The following INO80 variants were observed in gnomAD, a reference collection of about 807,000 sequenced individuals.
INO80 encodes INO80 complex ATPase subunit, also known as chromatin-remodeling ATPase INO80.
In INO80, 20 loss-of-function variants were observed where a neutral mutation model predicts 203.4. The ratio of observed to expected loss-of-function variants is 0.10; its 90% CI spans 0.07 to 0.14. INO80 has a LOEUF of 0.14. Among genes scored for constraint, INO80 ranks in the 10% least tolerant of loss-of-function variants. INO80 has a pLI of 1.00. For missense variants in INO80, 1,419 were observed against 1,914.4 expected (o/e 0.74, Z 4.83); for synonymous variants, 726 against 685.2 (o/e 1.06, Z -0.93).
chr15:41,068,610 C>T (rs532589121), intron 14 of INO80, among the ~76,000 whole-genome samples: 4 of 151,506 alleles, frequency 2.6e-5, no homozygotes, highest in East Asian at 1.9e-4. Flanking sequence ...GTAATCCTTG[C>T]GTTTTCGGAG....
chr15:41,047,487 T>A lies in INO80; in HGVS notation c.2656A>T (p.Ser886Cys). ...ATAAAGCGAAGGAAAGAGAAACAGCTTTCTTCATTAATACCTGAAATATAA... is the reference window on the plus strand; with the variant it reads ...ATAAAGCGAAGGAAAGAGAAACAGCATTCTTCATTAATACCTGAAATATAA... ...LFHRKGINEE[S>C]CFSFLRFIDI... Residue 886 changes from serine (S) to cysteine (C), a missense_variant, in exon 23 of 36, where the codon AGC (serine) becomes TGC (cysteine). Physicochemically the swap from Ser to Cys is moderately radical, Grantham distance 112. Around this residue, in one of 9 missense-constraint regions of INO80, gnomAD observed 302 missense variants for 345.4 expected, o/e 0.87. Coordinates refer to ENST00000648947, the MANE Select transcript of INO80 (RefSeq NM_017553.3). 1 of 1,607,844 alleles carries A rather than the reference T, an allele frequency of 6.2e-7. No homozygotes were observed. Among genetic ancestry groups the A allele is most frequent in the South Asian group, 1.1e-5 (1 of 90,610 alleles).
intron 14 of INO80, among the ~76,000 whole-genome samples, chr15:41,063,899 T>C (rs527487874): frequency 1.3e-5 from 2 of 152,014 alleles, no homozygotes; most frequent in South Asian, 4.2e-4. Context: ...ACAATATATA[T>C]CAGAAAATAC....
intron 6 of INO80, among the ~76,000 whole-genome samples, chr15:41,086,478 C>T (rs1003739712): frequency 4.6e-5 from 7 of 151,948 alleles, no homozygotes; most frequent in African/African-American, 1.7e-4. Flanking sequence ...TGGTGAAACC[C>T]CATCTCTACT....
At chr15:41,082,400 T>TA (rs2045499214) in intron 7 of INO80, among the ~76,000 whole-genome samples, 1 of 150,546 alleles carries the variant, frequency 6.6e-6, no homozygotes, top group South Asian at 2.1e-4. Context: ...CTCGTCTCTA[T>TA]AAAAAATAAA....
intron 35 of INO80, among the ~76,000 whole-genome samples, chr15:40,981,484 T>C (rs2140403783): frequency 6.6e-6 from 1 of 152,314 alleles, no homozygotes; most frequent in East Asian, 1.9e-4. Context: ...TCCTCTATCA[T>C]ACTTCATATT....
rs193233758 is a variant in INO80, at chr15:41,045,092, C to T, written c.2736-17G>A. The T allele has an allele frequency of 6.3e-7, 1 of 1,589,418 alleles. No individual in the cohort carries two copies. On this transcript the variant is annotated splice_polypyrimidine_tract_variant and intron_variant, in intron 23 of 35. Transcript: ENST00000648947. ...GCTAACCATCTGAAACAAACCACAG[C>T]AGACACGCTTATTCAGTGCTCCATG...
intron 7 of INO80, among the ~76,000 whole-genome samples, chr15:41,083,179 G>A (rs1030007569): frequency 2.3e-4 from 34 of 150,898 alleles, no homozygotes; most frequent in African/African-American, 7.3e-4. Context: ...CAGCTACTCC[G>A]GAGGCTGAAG....
chr15:41,100,864 T>C (rs2045798320), intron 1 of INO80, among the ~76,000 whole-genome samples: 2 of 151,078 alleles, frequency 1.3e-5, no homozygotes, highest in Admixed American at 6.6e-5. Context: ...AGGCTCCCTC[T>C]GTCGCCCAGG....
chr15:41,017,651 C>T (rs1228492120), intron 26 of INO80: 2 of 152,218 alleles, frequency 1.3e-5, no homozygotes, highest in African/African-American at 2.4e-5. Context: ...AATCATCAGC[C>T]ACTCTGTTTT....
At chr15:41,031,968 C>A (rs866090379) in intron 24 of INO80, among the ~76,000 whole-genome samples, 2 of 69,688 alleles carry the variant, frequency 2.9e-5, no homozygotes, top group African/African-American at 1.0e-4. Flanking sequence ...CACAGGACAG[C>A]ACAGCACAGC....
intron 25 of INO80, among the ~76,000 whole-genome samples, chr15:41,025,610 G>C (rs1393360742): frequency 6.6e-6 from 1 of 152,154 alleles, no homozygotes; most frequent in African/African-American, 2.4e-5. Flanking sequence ...AGCTACCTGG[G>C]GGGCTGAGGC....
At chr15:41,046,072 G>A (rs560727192) in intron 23 of INO80, among the ~76,000 whole-genome samples, 8 of 151,180 alleles carry the variant, frequency 5.3e-5, no homozygotes, top group African/African-American at 1.9e-4. Context: ...ACCAGCCTCC[G>A]TTTGCCCTGT....
intron 1 of INO80, among the ~76,000 whole-genome samples, chr15:41,108,642 A>G (rs1432880889): frequency 4.6e-5 from 7 of 151,818 alleles, no homozygotes; most frequent in African/African-American, 1.5e-4. Context: ...ATAGACTAGG[A>G]CAGGCAGCTA....
intron 24 of INO80, among the ~76,000 whole-genome samples, chr15:41,035,871 G>A (rs2044564928): frequency 7.2e-6 from 1 of 138,772 alleles, no homozygotes; most frequent in Non-Finnish European, 1.5e-5. Context: ...GCTTACACCT[G>A]TAATCGGAGC....
At position 41,049,342 on chromosome 15, in the gene INO80, A is replaced by C; in HGVS notation, c.2521T>G (p.Ser841Ala). Reference sequence around the variant, plus strand: ...TGTCCATGACGGTAGATAAACTTTGAAATGTGGTATGGCTTTAGGGAAATA... The same window carrying C: ...TGTCCATGACGGTAGATAAACTTTGCAATGTGGTATGGCTTTAGGGAAATA... The part of the protein sequence containing the change: ...FHISLKPYHI[S>A]KFIYRHGQIR... The change falls in exon 21 of 36, where the codon TCA (serine) becomes GCA (alanine). Residue 841 changes from serine to alanine, a missense_variant. Ser to Ala is a moderately conservative substitution (Grantham distance 99). Coordinates refer to ENST00000648947, the MANE Select transcript of INO80 (RefSeq NM_017553.3). The C allele has an allele frequency of 6.2e-7, 1 of 1,613,934 alleles. No individual in the cohort carries two copies. Among genetic ancestry groups the C allele is most frequent in the Non-Finnish European group, 8.5e-7 (1 of 1,179,782 alleles).
At chr15:41,038,627 T>G (rs1241220534) in intron 24 of INO80, among the ~76,000 whole-genome samples, 1 of 152,188 alleles carries the variant, frequency 6.6e-6, no homozygotes, top group Non-Finnish European at 1.5e-5. Context: ...TTTTTCCATC[T>G]CCAGTGCCCA....
chr15:41,007,085 A>G (rs2044052291), intron 27 of INO80, among the ~76,000 whole-genome samples: 1 of 152,078 alleles, frequency 6.6e-6, no homozygotes, highest in Non-Finnish European at 1.5e-5. Flanking sequence ...CAAAGTAACT[A>G]GACAATACCA....
At chr15:40,981,680 T>G (rs747424488) in intron 35 of INO80, among the ~76,000 whole-genome samples, 1 of 152,210 alleles carries the variant, frequency 6.6e-6, no homozygotes, top group Admixed American at 6.5e-5. Flanking sequence ...TAAGTGGCTC[T>G]CTCTTTCTCA....
intron 14 of INO80, among the ~76,000 whole-genome samples, chr15:41,066,669 A>T (rs1337627664): frequency 3.4e-5 from 5 of 145,826 alleles, no homozygotes; most frequent in Non-Finnish European, 4.5e-5. Context: ...CCATAAAATT[A>T]AAAAAAAAAA....
Sources: gnomAD v4.1 joint callset for allele counts (sites outside exome capture counted in the v4.1 genomes callset) on GRCh38, gnomAD v4.1.1 for gene constraint, gnomAD v4.1.1 regional missense constraint, MANE v1.5 for transcripts, NCBI Gene and HGNC (gene_info 2026-07-23, HGNC 2026-07-21) for gene names.